MALRD1: variants seen among roughly 807,000 people sequenced by gnomAD.
MALRD1 encodes the protein MAM and LDL receptor class A domain containing 1, also known as MAM and LDL-receptor class A domain-containing protein 1.
MALRD1 carries 247 observed loss-of-function variants against 242.1 expected under a neutral mutation model. The ratio of observed to expected loss-of-function variants is 1.02; its 90% confidence interval spans 0.92 to 1.13. The LOEUF (loss-of-function observed/expected upper bound fraction) is 1.13. Among genes scored for constraint, MALRD1 ranks in the 50% most tolerant of loss-of-function variants. The probability of loss-of-function intolerance (pLI) is 0.00; values close to 1 mark genes in which losing one functional copy is unlikely to be tolerated. For synonymous variants in MALRD1, 995 were observed against 866.6 expected, an observed-to-expected ratio of 1.15 and a Z score of -2.60; for missense variants, 2,989 against 2,533.1, an observed-to-expected ratio of 1.18 and a Z score of -3.86.
intron 22 of MALRD1, among the ~76,000 whole-genome samples, chr10:19,326,092 T>C (rs1279958795): frequency 2.0e-5 from 3 of 152,180 alleles, no homozygotes; most frequent in Non-Finnish European, 2.9e-5. Context: ...AGTATATTTG[T>C]GTGTATACAC....
intron 26 of MALRD1, among the ~76,000 whole-genome samples, chr10:19,371,910 T>C (rs964090212): frequency 1.3e-5 from 2 of 152,074 alleles, no homozygotes; most frequent in Admixed American, 1.3e-4. Flanking sequence ...AATAAATGAA[T>C]GAGAAAGGTA....
At chr10:19,243,716 C>T (rs1017147257) in intron 18 of MALRD1, among the ~76,000 whole-genome samples, 5 of 152,100 alleles carry the variant, frequency 3.3e-5, no homozygotes, top group African/African-American at 1.2e-4. Context: ...TGATTATTAA[C>T]TTAAAGTTAT....
intron 29 of MALRD1, among the ~76,000 whole-genome samples, chr10:19,458,780 A>G (rs1054761352): frequency 6.6e-6 from 1 of 152,108 alleles, no homozygotes; most frequent in African/African-American, 2.4e-5. Flanking sequence ...TCTCCCTTGC[A>G]TGTTAAAAGG....
chr10:19,156,090 G>A (rs1834133221), intron 12 of MALRD1, among the ~76,000 whole-genome samples: 1 of 152,098 alleles, frequency 6.6e-6, no homozygotes, highest in African/African-American at 2.4e-5. Context: ...GAGATCAGTA[G>A]TGCCACACAG....
chr10:19,650,849 C>G (rs1483470767), intron 36 of MALRD1, among the ~76,000 whole-genome samples: 1 of 152,150 alleles, frequency 6.6e-6, no homozygotes, highest in Non-Finnish European at 1.5e-5. Context: ...GGTTTAGTAT[C>G]AGCGGTTTAG....
intron 10 of MALRD1, among the ~76,000 whole-genome samples, chr10:19,145,078 A>G (rs1014043890): frequency 1.3e-5 from 2 of 152,152 alleles, no homozygotes; most frequent in African/African-American, 4.8e-5. Flanking sequence ...CAAAAGTACT[A>G]AGATAGTCTG....
chr10:19,164,147 G>T (rs1308816007), intron 12 of MALRD1, among the ~76,000 whole-genome samples: 1 of 152,088 alleles, frequency 6.6e-6, no homozygotes, highest in Non-Finnish European at 1.5e-5. Flanking sequence ...GTGAATTAAG[G>T]TAAGCACAGT....
chr10:19,638,180 G>A (rs1840232289), intron 36 of MALRD1, among the ~76,000 whole-genome samples: 1 of 150,204 alleles, frequency 6.7e-6, no homozygotes, highest in East Asian at 2.0e-4. Context: ...TCAACAAAAG[G>A]ACAGCCAAGG....
intron 31 of MALRD1, among the ~76,000 whole-genome samples, chr10:19,508,746 A>G (rs1833263150): frequency 6.6e-6 from 1 of 152,226 alleles, no homozygotes. Context: ...ACTTCTTAAA[A>G]TGTGGCTACT....
intron 28 of MALRD1, among the ~76,000 whole-genome samples, chr10:19,426,011 A>G (rs536806555): frequency 7.9e-5 from 12 of 152,310 alleles, no homozygotes; most frequent in Non-Finnish European, 1.6e-4. Flanking sequence ...GAAAGAAAAT[A>G]AGATGAGGGA....
At position 19,453,848 on chromosome 10, in the gene MALRD1, G is replaced by C. The variant is rs550212373; in HGVS notation, c.5029+3358G>C. 1.3e-4 allele frequency among the ~76,000 whole-genome samples: 20 copies of C among 151,754 alleles called. No homozygotes were observed. In the South Asian group the frequency reaches 4.2e-3, roughly 32 times the overall value. On this transcript the variant is annotated intron_variant, in intron 29 of 39. Transcript: ENST00000454679. ...GCCGAGATCGCACCACTGCGTTCCA[G>C]CTAGGGTGATGGAGCAAGACTCCGT...
At chr10:19,081,598 A>G (rs1480604734) in intron 2 of MALRD1, among the ~76,000 whole-genome samples, 1 of 152,040 alleles carries the variant, frequency 6.6e-6, no homozygotes, top group Non-Finnish European at 1.5e-5. Context: ...GGAACAACAG[A>G]CACTGGGACC....
chr10:19,325,072 A>G (rs1288203621), intron 22 of MALRD1, among the ~76,000 whole-genome samples: 3 of 136,114 alleles, frequency 2.2e-5, no homozygotes, highest in Non-Finnish European at 4.6e-5. Context: ...GTGATGTTCT[A>G]ACTCAATTAT....
chr10:19,569,661 G>A (rs1564448202), intron 33 of MALRD1, among the ~76,000 whole-genome samples: 2 of 146,330 alleles, frequency 1.4e-5, no homozygotes, highest in Non-Finnish European at 3.0e-5. Flanking sequence ...ATTATAAAAT[G>A]TATTATTATA....
intron 19 of MALRD1, among the ~76,000 whole-genome samples, chr10:19,275,112 A>G (rs1178228139): frequency 6.6e-6 from 1 of 152,186 alleles, no homozygotes; most frequent in Non-Finnish European, 1.5e-5. Flanking sequence ...TTTATTTGTT[A>G]ATATAAGGAT....
intron 38 of MALRD1, among the ~76,000 whole-genome samples, chr10:19,728,878 G>T (rs139857379): frequency 2.6e-5 from 4 of 152,074 alleles, no homozygotes; most frequent in African/African-American, 9.6e-5. Flanking sequence ...ATTTAACATA[G>T]ACTAGTCTTG....
At chr10:19,149,724 G>A (rs1028153291) in intron 11 of MALRD1, among the ~76,000 whole-genome samples, 4 of 151,826 alleles carry the variant, frequency 2.6e-5, no homozygotes, top group African/African-American at 9.7e-5. Context: ...AACCATTTTA[G>A]TGTACAGTTC....
intron 31 of MALRD1, among the ~76,000 whole-genome samples, chr10:19,527,628 T>G (rs1834164317): frequency 6.6e-6 from 1 of 152,174 alleles, no homozygotes; most frequent in African/African-American, 2.4e-5. Context: ...TGTTATAGTA[T>G]TTGAGAACTG....
intron 19 of MALRD1, among the ~76,000 whole-genome samples, chr10:19,259,056 C>G (rs1417101558): frequency 6.6e-6 from 1 of 152,128 alleles, no homozygotes. Context: ...AATGATCTAT[C>G]TGCTCCTACC....
Sources: gnomAD v4.1 joint callset for allele counts (sites outside exome capture counted in the v4.1 genomes callset) on GRCh38, gnomAD v4.1.1 for gene constraint, MANE v1.5 for transcripts, NCBI Gene and HGNC (gene_info 2026-07-23, HGNC 2026-07-21) for gene names.